The following DOCK9 variants were observed in gnomAD, a reference collection of about 807,000 sequenced individuals.
DOCK9 encodes dedicator of cytokinesis protein 9.
DOCK9 carries 89 observed loss-of-function variants against 263.3 expected under a neutral mutation model. That is an observed-to-expected ratio of 0.34 (90% CI 0.28 to 0.40). The LOEUF is 0.40. Among genes scored for constraint, DOCK9 ranks in the 10% least tolerant of loss-of-function variants. DOCK9 has a pLI of 1.00. For missense variants in DOCK9, 2,140 were observed against 2,603.4 expected (o/e 0.82, Z 3.87); for synonymous variants, 976 against 973.1 (o/e 1.00, Z -0.06).
At chr13:98,912,728 A>G (rs2050258038) in intron 9 of DOCK9, among the ~76,000 whole-genome samples, 3 of 152,128 alleles carry the variant, frequency 2.0e-5, no homozygotes. Flanking sequence ...TCATAGGAAA[A>G]AGCATAGATT....
chr13:98,833,696 G>A (rs1227912448), intron 39 of DOCK9, among the ~76,000 whole-genome samples: 7 of 152,116 alleles, frequency 4.6e-5, no homozygotes, highest in African/African-American at 1.4e-4. Context: ...TTAAAAAGAC[G>A]TAAATAACCT....
chr13:98,967,426 T>C (rs1051568133), intron 1 of DOCK9, among the ~76,000 whole-genome samples: 1 of 152,210 alleles, frequency 6.6e-6, no homozygotes, highest in Admixed American at 6.5e-5. Flanking sequence ...TCATCACCAT[T>C]TCACTGATGA....
chr13:99,015,370 T>C (rs1885233829), intron 1 of DOCK9: 1 of 1,231,804 alleles, frequency 8.1e-7, no homozygotes, highest in Non-Finnish European at 1.1e-6. Flanking sequence ...CTTAAATAAA[T>C]ATATTTGTTT....
intron 1 of DOCK9, among the ~76,000 whole-genome samples, chr13:99,045,099 G>C (rs1385969496): frequency 6.6e-6 from 1 of 152,178 alleles, no homozygotes; most frequent in African/African-American, 2.4e-5. Context: ...ACAGTATGGG[G>C]GTTCCTTAAA....
intron 2 of DOCK9, among the ~76,000 whole-genome samples, chr13:98,954,051 A>G (rs1345193700): frequency 7.2e-5 from 11 of 152,180 alleles, no homozygotes; most frequent in Admixed American, 7.2e-4. Context: ...TAATTTAACA[A>G]TTTCTATTAA....
chr13:99,073,552 T>C (rs1395946031), intron 1 of DOCK9, among the ~76,000 whole-genome samples: 1 of 152,142 alleles, frequency 6.6e-6, no homozygotes, highest in Non-Finnish European at 1.5e-5. Context: ...CAGGTCTTCT[T>C]ATACAATGAA....
intron 38 of DOCK9, among the ~76,000 whole-genome samples, chr13:98,845,611 A>G (rs935054093): frequency 6.6e-6 from 1 of 152,214 alleles, no homozygotes; most frequent in Non-Finnish European, 1.5e-5. Context: ...CTAGGTGATG[A>G]ATCCAAATTT....
In DOCK9 at chr13:99,051,855, C is replaced by CAAAAAAAAA. The variant is rs11392986; in HGVS notation, c.129+34359_129+34367dup. The stretch of plus-strand genomic sequence containing the variant: ...GCTAAAGAACATGTTCCACTAGTGG[C>CAAAAAAAAA]AAAAAAAAAAAAAAAAAAAAAATCA... On this transcript the variant is annotated intron_variant, in intron 1 of 32. Transcript: ENST00000427887. Among the ~76,000 whole-genome samples the CAAAAAAAAA allele has an allele frequency of 6.3e-3, 666 of 105,938 alleles. 23 individuals are homozygous for CAAAAAAAAA. The highest frequency in any genetic ancestry group is 0.018 in the African/African-American group (498 of 27,958). 69.5% of individuals were successfully genotyped at this position (105,938 alleles called of 152,430 possible).
intron 1 of DOCK9, among the ~76,000 whole-genome samples, chr13:99,041,835 G>A (rs1038148490): frequency 6.6e-6 from 1 of 152,204 alleles, no homozygotes; most frequent in Non-Finnish European, 1.5e-5. Context: ...AGAAGGCCAC[G>A]TGAAGACAGA....
At chr13:98,900,763 A>G (rs1404422901) in intron 13 of DOCK9, among the ~76,000 whole-genome samples, 1 of 152,242 alleles carries the variant, frequency 6.6e-6, no homozygotes, top group Non-Finnish European at 1.5e-5. Flanking sequence ...AAGGACCCAG[A>G]TGAGTTAAGC....
At chr13:98,921,197 C>G in intron 6 of DOCK9, 109 bp from the exon 7 acceptor site, 1 of 1,126,862 alleles carries the variant, frequency 8.9e-7, no homozygotes, top group Non-Finnish European at 1.2e-6. Flanking sequence ...TTTCCGTTCT[C>G]ACTCTAGCTG....
intron 1 of DOCK9, among the ~76,000 whole-genome samples, chr13:98,962,443 G>A (rs1332562777): frequency 6.6e-6 from 1 of 152,138 alleles, no homozygotes; most frequent in Non-Finnish European, 1.5e-5. Context: ...GCCCTGATAG[G>A]GTCGTGTGTC....
intron 2 of DOCK9, among the ~76,000 whole-genome samples, chr13:98,940,580 C>T (rs1448745635): frequency 6.6e-6 from 1 of 152,078 alleles, no homozygotes; most frequent in Non-Finnish European, 1.5e-5. Flanking sequence ...AGTCTTGATA[C>T]GAGCAGAGAA....
intron 22 of DOCK9, 96 bp from the exon 23 acceptor site, chr13:98,883,227 T>TGTG (rs2045120643): frequency 8.9e-7 from 1 of 1,127,508 alleles, no homozygotes; most frequent in African/African-American, 1.6e-5. Context: ...TTTTTTGCTG[T>TGTG]ATGTTGTTGT....
Position 98,885,107 on chromosome 13 carries a change from G to C in DOCK9, c.2261-15C>G. The C allele has an allele frequency of 6.2e-7, 1 of 1,612,824 alleles. No individual in the cohort carries two copies. On this transcript the variant is annotated splice_polypyrimidine_tract_variant and intron_variant, in intron 20 of 52. Coordinates refer to ENST00000682017, the MANE Select transcript of DOCK9 (RefSeq NM_001366683.2). ...GGAGTAGCCAACTGTTGAAAACAAA[G>C]AACAACAACAACAACAGAACACTGT...
intron 1 of DOCK9, among the ~76,000 whole-genome samples, chr13:98,971,433 C>T (rs771500249): frequency 1.6e-4 from 25 of 152,166 alleles, no homozygotes; most frequent in Admixed American, 1.0e-3. Flanking sequence ...AGGGGCCGGG[C>T]GCGGTGGCTC....
At chr13:99,064,049 C>T (rs1222052435) in intron 1 of DOCK9, among the ~76,000 whole-genome samples, 1 of 152,184 alleles carries the variant, frequency 6.6e-6, no homozygotes, top group Non-Finnish European at 1.5e-5. Flanking sequence ...GTAAACTCTC[C>T]TTTATCCTCC....
chr13:99,016,146 C>T (rs1490190630), intron 1 of DOCK9: 1 of 152,100 alleles, frequency 6.6e-6, no homozygotes, highest in Non-Finnish European at 1.5e-5. Flanking sequence ...CTTTCCTTGA[C>T]CTAAATATGC....
intron 38 of DOCK9, among the ~76,000 whole-genome samples, chr13:98,841,215 G>A (rs1260244579): frequency 1.3e-5 from 2 of 152,222 alleles, no homozygotes; most frequent in African/African-American, 4.8e-5. Flanking sequence ...GACACGGGCT[G>A]TAATCTAAGA....
Sources: allele counts gnomAD v4.1 joint callset (sites outside exome capture counted in the v4.1 genomes callset), GRCh38; gene constraint gnomAD v4.1.1; transcripts MANE v1.5; gene names NCBI Gene and HGNC (gene_info 2026-07-23, HGNC 2026-07-21).